Variants in SCAF4 observed in about 807,000 individuals in gnomAD.
The protein encoded by SCAF4 is SR-related CTD associated factor 4.
SCAF4 carries 25 observed loss-of-function variants against 129.8 expected under a neutral mutation model. That is an observed-to-expected ratio of 0.19 (90% CI 0.14 to 0.27). The LOEUF (loss-of-function observed/expected upper bound fraction) is 0.27. SCAF4 is among the 10% of genes least tolerant of loss of function. The probability of loss-of-function intolerance (pLI) is 1.00; values close to 1 mark genes in which losing one functional copy is unlikely to be tolerated. For missense variants in SCAF4, 1,246 were observed against 1,457.1 expected, an observed-to-expected ratio of 0.86 and a Z score of 2.36; for synonymous variants, 551 against 497.7, an observed-to-expected ratio of 1.11 and a Z score of -1.43.
In SCAF4 at chr21:31,723,610, ATG is replaced by A. The variant is rs368505231; in HGVS notation, c.30+8051_30+8052del. On this transcript the variant is annotated intron_variant, in intron 1 of 19. Coordinates refer to ENST00000286835, the MANE Select transcript of SCAF4 (RefSeq NM_020706.2). The stretch of plus-strand genomic sequence containing the variant: ...TTAAAAGTCTGGTATGATTTATATG[ATG>A]TGTGTGTGTGTGTGTGTGCGCGCGC... Among the ~76,000 whole-genome samples the A allele has an allele frequency of 5.4e-3, 799 of 149,278 alleles. 9 individuals are homozygous for A. Among genetic ancestry groups the A allele is most frequent in the Non-Finnish European group, 6.8e-3 (459 of 67,194 alleles).
chr21:31,671,308 TACA>T lies in SCAF4; in HGVS notation c.*88_*90del. 1.4e-6 allele frequency: 2 copies of T among 1,449,910 alleles called. No individual in the cohort carries two copies. Among genetic ancestry groups the T allele is most frequent in the South Asian group, 2.9e-5 (2 of 69,770 alleles). 89.8% of individuals were successfully genotyped at this position (1,449,910 alleles called of 1,614,324 possible). A position where few individuals can be genotyped will look rare whatever the true frequency, so the allele number is the denominator to read the frequency against. On this transcript the variant is annotated 3_prime_UTR_variant, in exon 20 of 20. Transcript: ENST00000286835. ...CCCACCAGCTGGCGCGGGGCTGCAG[TACA>T]GCGGGAGCGGATATAATACAGCATC... is the stretch of plus-strand genomic sequence containing the variant.
At chr21:31,718,379 C>T (rs2050990364) in intron 1 of SCAF4, among the ~76,000 whole-genome samples, 1 of 152,156 alleles carries the variant, frequency 6.6e-6, no homozygotes, top group African/African-American at 2.4e-5. Context: ...ACCACTTTTC[C>T]ACTTGCTTAG....
At chr21:31,710,684 T>C (rs1490794363) in intron 1 of SCAF4, among the ~76,000 whole-genome samples, 1 of 152,214 alleles carries the variant, frequency 6.6e-6, no homozygotes, top group Non-Finnish European at 1.5e-5. Flanking sequence ...ATTAGAGACA[T>C]CTGGCATAGC....
In SCAF4 at chr21:31,702,279, G is replaced by C; in HGVS notation, c.422C>G (p.Ala141Gly). The change falls in exon 5 of 20, where the codon GCA (alanine) becomes GGA (glycine). Residue 141 changes from alanine (A) to glycine (G), a missense_variant. This residue lies in a region of SCAF4 where 143 missense variants were observed against 161.0 expected (regional missense o/e 0.89). Transcript: ENST00000286835. ...GGTAACATTTTCTGCTACTGGGGCT[G>C]CATTACTGGTTCCCGCTGCCATGTC... is the stretch of plus-strand genomic sequence containing the variant. ...LLDMAAGTSN[A>G]APVAENVTNN... 6.2e-7 allele frequency: 1 copy of C among 1,614,068 alleles called. No individual in the cohort carries two copies. The highest frequency in any genetic ancestry group is 8.5e-7 in the Non-Finnish European group (1 of 1,179,990).
intron 16 of SCAF4, 32 bp from the exon 17 acceptor site, chr21:31,685,765 A>G (rs374793994): frequency 6.8e-5 from 105 of 1,534,044 alleles, no homozygotes; most frequent in Non-Finnish European, 8.7e-5. Context: ...TAAACCACCT[A>G]TCTAGACACC....
At chr21:31,694,751 G>T in intron 10 of SCAF4, 62 bp downstream of exon 10, 1 of 1,492,810 alleles carries the variant, frequency 6.7e-7, no homozygotes, top group Non-Finnish European at 9.3e-7. Context: ...CAAATAAGGA[G>T]AAATCTGCAT....
chr21:31,721,224 G>A (rs1431659209), intron 1 of SCAF4, among the ~76,000 whole-genome samples: 1 of 152,008 alleles, frequency 6.6e-6, no homozygotes, highest in Non-Finnish European at 1.5e-5. Context: ...CCCTATATTT[G>A]TTAAAATAGA....
At chr21:31,673,314 G>C (rs1317685328) in intron 19 of SCAF4, among the ~76,000 whole-genome samples, 1 of 152,148 alleles carries the variant, frequency 6.6e-6, no homozygotes, top group Non-Finnish European at 1.5e-5. Flanking sequence ...TACTATGATT[G>C]AAAGGAGTTA....
At position 31,731,939 on chromosome 21, in the gene SCAF4, G is replaced by C; in HGVS notation, c.-247C>G. The stretch of plus-strand genomic sequence containing the variant: ...ATGAGGAAAAGGAGGCGGCGGCAGC[G>C]CTGGTCTTCAACATGTCCGTTTGGT... On this transcript the variant is annotated 5_prime_UTR_variant, in exon 1 of 20. Transcript: ENST00000286835. 4.1e-6 allele frequency: 2 copies of C among 490,838 alleles called. No individual in the cohort carries two copies. The highest frequency in any genetic ancestry group is 7.1e-6 in the Non-Finnish European group (2 of 283,332). 30.4% of individuals were successfully genotyped at this position (490,838 alleles called of 1,614,324 possible).
At chr21:31,700,418 T>A (rs1271575516) in intron 7 of SCAF4, among the ~76,000 whole-genome samples, 1 of 151,770 alleles carries the variant, frequency 6.6e-6, no homozygotes, top group Admixed American at 6.6e-5. Flanking sequence ...CAGGTTTTTT[T>A]AACAGCAAAA....
Position 31,702,391 on chromosome 21 carries a change from G to A in SCAF4, c.322-12C>T, listed in dbSNP as rs757629447. On this transcript the variant is annotated splice_polypyrimidine_tract_variant and intron_variant, in intron 4 of 19. Transcript: ENST00000286835. ...CGAACTATTTTACTCTGTTACGCAT[G>A]AGAAACACAAATATACAATAAATAT... is the stretch of plus-strand genomic sequence containing the variant. 8.7e-6 allele frequency: 14 copies of A among 1,610,074 alleles called. No homozygotes were observed. The highest frequency in any genetic ancestry group is 3.3e-4 in the Middle Eastern group (2 of 6,048).
In SCAF4 at chr21:31,706,822, G is replaced by GA. The variant is rs1253539213; in HGVS notation, c.31-466dup. ...AGAAAACGGAGAAACTAAAACCAAT[G>GA]AGAGTCCAGCCTCTGATGAAGCCAG... is the stretch of plus-strand genomic sequence containing the variant. On this transcript the variant is annotated intron_variant, in intron 1 of 19. Coordinates refer to ENST00000286835, the MANE Select transcript of SCAF4 (RefSeq NM_020706.2). 2.9e-4 allele frequency: 69 copies of GA among 235,648 alleles called. 1 individual carries two copies. The Middle Eastern group carries it at 4.2e-3, about 14-fold the overall frequency. The allele number at this position is 235,648 out of a possible 1,614,324, so 14.6% of individuals were successfully genotyped here.
intron 19 of SCAF4, among the ~76,000 whole-genome samples, chr21:31,678,612 C>T (rs990187614): frequency 1.3e-5 from 2 of 152,124 alleles, no homozygotes; most frequent in African/African-American, 4.8e-5. Context: ...CTTCTCTAAG[C>T]TCATCTCCTG....
rs745981729 is a variant in SCAF4 at position 31,672,171 on chromosome 21, G to A, written c.2672C>T (p.Pro891Leu). The A allele has an allele frequency of 6.2e-6, 10 of 1,604,160 alleles. No homozygotes were observed. The East Asian group carries it at 1.1e-4, about 18-fold the overall frequency. Residue 891 changes from proline to leucine, a missense_variant, in exon 20 of 20, where the codon CCG becomes CTG. Physicochemically the swap from Pro to Leu is moderately conservative, Grantham distance 98. Coordinates refer to ENST00000286835, the MANE Select transcript of SCAF4 (RefSeq NM_020706.2). ...MPPHMMHRGPPPGPGGFAMPP... is the reference protein window; with the variant it reads ...MPPHMMHRGPLPGPGGFAMPP... ...CATCGCAAAGCCCCCTGGTCCTGGCGGTGGGCCTCTGTGCATCATGTGCGG... is the reference window on the plus strand; with the variant it reads ...CATCGCAAAGCCCCCTGGTCCTGGCAGTGGGCCTCTGTGCATCATGTGCGG...
At chr21:31,724,383 A>C (rs2051149816) in intron 1 of SCAF4, among the ~76,000 whole-genome samples, 1 of 152,164 alleles carries the variant, frequency 6.6e-6, no homozygotes, top group East Asian at 2.0e-4. Flanking sequence ...ATGTTACCAA[A>C]ATTTTGAACT....
At chr21:31,701,301 C>T in intron 6 of SCAF4, 130 bp from the exon 7 acceptor site, 2 of 699,520 alleles carry the variant, frequency 2.9e-6, no homozygotes, top group Non-Finnish European at 4.3e-6. Context: ...GGGAAAAAAT[C>T]CTTTTATGAA....
At chr21:31,676,211 C>T (rs541940388) in intron 19 of SCAF4, among the ~76,000 whole-genome samples, 9 of 152,140 alleles carry the variant, frequency 5.9e-5, no homozygotes, top group Non-Finnish European at 1.3e-4. Flanking sequence ...TTCCATTCTA[C>T]CAGAGCCACC....
intron 16 of SCAF4, among the ~76,000 whole-genome samples, chr21:31,686,808 T>C (rs907149246): frequency 6.6e-6 from 1 of 152,158 alleles, no homozygotes; most frequent in Admixed American, 6.5e-5. Context: ...GTGCAGTTCT[T>C]ATGAGAATCT....
intron 2 of SCAF4, 129 bp downstream of exon 2, chr21:31,706,145 A>G: frequency 1.5e-6 from 1 of 674,962 alleles, no homozygotes; most frequent in Non-Finnish European, 2.6e-6. Flanking sequence ...ATGTACCTTC[A>G]GCAAAGGCTG....
Sources: gnomAD v4.1 joint callset for allele counts (sites outside exome capture counted in the v4.1 genomes callset) on GRCh38, gnomAD v4.1.1 for gene constraint, gnomAD v4.1.1 regional missense constraint, MANE v1.5 for transcripts, NCBI Gene and HGNC (gene_info 2026-07-23, HGNC 2026-07-21) for gene names.